The following TRPM2 variants were observed in gnomAD, a reference collection of about 807,000 sequenced individuals.
The protein encoded by TRPM2 is estrogen-responsive element-associated gene 1 protein.
In TRPM2, 161 loss-of-function variants were observed where a neutral mutation model predicts 174.0. The observed-to-expected ratio is 0.93, with a 90% CI of 0.81 to 1.05. TRPM2 has a LOEUF of 1.05. Ranked by LOEUF, TRPM2 falls within the 50% of genes least tolerant of loss-of-function variation. The pLI is 0.00. For missense variants in TRPM2, 2,057 were observed against 2,038.0 expected, an observed-to-expected ratio of 1.01 and a Z score of -0.18; for synonymous variants, 954 against 861.3, an observed-to-expected ratio of 1.11 and a Z score of -1.88.
intron 8 of TRPM2, among the ~76,000 whole-genome samples, chr21:44,381,777 G>A (rs2076297043): frequency 6.6e-6 from 1 of 151,994 alleles, no homozygotes; most frequent in Non-Finnish European, 1.5e-5. Context: ...CATGGTGGTG[G>A]GTGCCTGTAA....
At chr21:44,372,119 C>T (rs1439584260) in intron 5 of TRPM2, among the ~76,000 whole-genome samples, 4 of 151,842 alleles carry the variant, frequency 2.6e-5, no homozygotes, top group Non-Finnish European at 5.9e-5. Flanking sequence ...AAGACTCTGT[C>T]TAAACTAAAC....
At chr21:44,441,588 G>C (rs2051506276) in intron 31 of TRPM2, 104 bp from the exon 32 acceptor site, 2 of 1,399,214 alleles carry the variant, frequency 1.4e-6, no homozygotes, top group East Asian at 5.1e-5. Flanking sequence ...AGGAGTAAAG[G>C]GAGGGTGTGC....
chr21:44,397,857 G>A lies in TRPM2; in HGVS notation c.2043G>A (p.Glu681=), dbSNP rs752013307. ...AGGAGATGCTGGCGCTGGCGGAGGA[G>A]TATGAGCACAGAGCCATCGGTGAGC... ...SSEEMLALAE[E]YEHRAIGVFT... Residue 681 remains glutamate, a synonymous_variant, in exon 13 of 32, where the codon GAG becomes GAA. Coordinates refer to ENST00000397928, the MANE Select transcript of TRPM2 (RefSeq NM_003307.4). 1.9e-6 allele frequency: 3 copies of A among 1,607,204 alleles called. No individual in the cohort carries two copies. Among genetic ancestry groups the A allele is most frequent in the Admixed American group, 1.7e-5 (1 of 59,442 alleles).
rs1457187523 is a variant in TRPM2, at chr21:44,401,985, C to T, written c.2538+88C>T. The T allele has an allele frequency of 8.4e-6, 12 of 1,427,110 alleles. No homozygotes were observed. In the Admixed American group the frequency reaches 2.0e-4, roughly 24 times the overall value. The allele number at this position is 1,427,110 out of a possible 1,614,324, so 88.4% of individuals were successfully genotyped here. A position where few individuals can be genotyped will look rare whatever the true frequency, so the allele number is the denominator to read the frequency against. Reference sequence around the variant, plus strand: ...AGGGGACCCATGGCTTAGAGCCCACCCCATCTAGCCTGCCCAGCTCCCTGC... The same window carrying T: ...AGGGGACCCATGGCTTAGAGCCCACTCCATCTAGCCTGCCCAGCTCCCTGC... On this transcript the variant is annotated intron_variant, in intron 16 of 31. Transcript: ENST00000397928.
Position 44,417,996 on chromosome 21 carries a change from G to A in TRPM2, c.3216G>A (p.Glu1072=). The change falls in exon 21 of 32, where the codon GAG becomes GAA. Residue 1072 remains glutamate (E), a synonymous_variant. Coordinates refer to ENST00000397928, the MANE Select transcript of TRPM2 (RefSeq NM_003307.4). ...AGTTCCAGCGCCATGACCTGATCGA[G>A]GAGTACCACGGCCGCCCCGCCGCGC... is the stretch of plus-strand genomic sequence containing the variant. The part of the protein sequence containing the change: ...IWKFQRHDLI[E]EYHGRPAAPP... 6.2e-7 allele frequency: 1 copy of A among 1,612,986 alleles called. No individual in the cohort carries two copies. Among genetic ancestry groups the A allele is most frequent in the East Asian group, 2.2e-5 (1 of 44,876 alleles).
rs71197896 is a variant in TRPM2 at position 44,407,450 on chromosome 21, G to GTTT, written c.2962+709_2962+711dup. Among the ~76,000 whole-genome samples the GTTT allele has an allele frequency of 1.3e-3, 109 of 85,840 alleles. 2 individuals are homozygous for GTTT. Among genetic ancestry groups the GTTT allele is most frequent in the South Asian group, 3.3e-3 (6 of 1,796 alleles). The allele number at this position is 85,840 out of a possible 152,430, so 56.3% of individuals were successfully genotyped here. A position where few individuals can be genotyped will look rare whatever the true frequency, so the allele number is the denominator to read the frequency against. On this transcript the variant is annotated intron_variant, in intron 19 of 31. Transcript: ENST00000397928. The stretch of plus-strand genomic sequence containing the variant: ...AGAGAGAACACTTTTCATATAGAAG[G>GTTT]TTTTTTTTTTTTTTTTTTTTTTTTT...
At chr21:44,406,090 T>A (rs1278904910) in intron 18 of TRPM2, 53 bp downstream of exon 18, 17 of 1,592,686 alleles carry the variant, frequency 1.1e-5, no homozygotes, top group Non-Finnish European at 1.4e-5. Context: ...AGGGTGGGCC[T>A]CGGGGAGGGC....
In TRPM2 at chr21:44,391,046, C is replaced by T. The variant is rs376178019; in HGVS notation, c.1440+21C>T. Reference sequence around the variant, plus strand: ...GGAAGGTAAGTCTTCCAGAGCACCCCGTGGAGGGGCCTACTGGGCCCACAT... The same window carrying T: ...GGAAGGTAAGTCTTCCAGAGCACCCTGTGGAGGGGCCTACTGGGCCCACAT... On this transcript the variant is annotated intron_variant, in intron 10 of 31. Transcript: ENST00000397928. The surrounding 1 kb of genome is among the most constrained non-coding windows in gnomAD (Gnocchi z 5.0). The T allele has an allele frequency of 4.4e-5, 71 of 1,613,246 alleles. No homozygotes were observed. The highest frequency in any genetic ancestry group is 3.5e-4 in the Middle Eastern group (2 of 5,670).
intron 30 of TRPM2, among the ~76,000 whole-genome samples, chr21:44,440,284 CGAG>C: frequency 4.5e-5 from 1 of 22,232 alleles, no homozygotes; most frequent in Middle Eastern, 0.026. Flanking sequence ...TGCAGTGAGC[CGAG>C]GTTGCACCAC....
chr21:44,404,449 C>G (rs2049790356), intron 16 of TRPM2, among the ~76,000 whole-genome samples: 1 of 152,192 alleles, frequency 6.6e-6, no homozygotes, highest in Non-Finnish European at 1.5e-5. Flanking sequence ...TATGTACATA[C>G]ACATATATGC....
Position 44,379,136 on chromosome 21 carries a change from T to C in TRPM2, c.1154T>C (p.Val385Ala). Residue 385 changes from valine (V) to alanine (A), a missense_variant, in exon 8 of 32, where the codon GTG (valine) becomes GCG (alanine). Transcript: ENST00000397928. ...TCCCTGATCCAGCAGAAACTGAGCG[T>C]GTTCTTCCAGGAGATGTTTGAGACC... is the stretch of plus-strand genomic sequence containing the variant. ...TISLIQQKLS[V>A]FFQEMFETFT... The C allele has an allele frequency of 6.2e-7, 1 of 1,613,634 alleles. No homozygotes were observed. The highest frequency in any genetic ancestry group is 8.5e-7 in the Non-Finnish European group (1 of 1,180,034).
chr21:44,358,978 G>A (rs146674669), intron 2 of TRPM2, among the ~76,000 whole-genome samples: 20 of 152,262 alleles, frequency 1.3e-4, no homozygotes, highest in African/African-American at 4.8e-4. Flanking sequence ...TGCCGCTGCT[G>A]GCTGGAGGGG....
intron 27 of TRPM2, among the ~76,000 whole-genome samples, chr21:44,429,290 T>C (rs1009669394): frequency 1.1e-4 from 16 of 141,200 alleles, no homozygotes; most frequent in African/African-American, 3.1e-4. Flanking sequence ...TTTTTTTTTT[T>C]TTTTTTTTTT....
chr21:44,359,835 C>T (rs993843057), intron 2 of TRPM2, among the ~76,000 whole-genome samples: 1 of 151,910 alleles, frequency 6.6e-6, no homozygotes, highest in Non-Finnish European at 1.5e-5. Flanking sequence ...GCAACCTCCA[C>T]CTCCCGGGCT....
intron 2 of TRPM2, among the ~76,000 whole-genome samples, chr21:44,358,499 C>A (rs943962776): frequency 6.6e-6 from 1 of 152,166 alleles, no homozygotes; most frequent in Non-Finnish European, 1.5e-5. Context: ...GAGTTCCGAG[C>A]GAGCTCTCCG....
chr21:44,424,872 C>A lies in TRPM2; in HGVS notation c.3570C>A (p.Ala1190=), dbSNP rs1310715717. The A allele has an allele frequency of 1.6e-5, 25 of 1,606,758 alleles. No individual in the cohort carries two copies. The highest frequency in any genetic ancestry group is 2.1e-5 in the Non-Finnish European group (25 of 1,177,772). The change falls in exon 24 of 32, where the codon GCC becomes GCA. Residue 1190 remains alanine, a synonymous_variant. Transcript: ENST00000397928. The part of the protein sequence containing the change: ...LEEQVAQTAQ[A]LHWIVRTLRA... ...TCCAGGTGGCCCAGACAGCCCAAGC[C>A]CTGCACTGGATCGTGAGGACGCTGC...
rs1294621738 is a variant in TRPM2, at chr21:44,391,584, C to G, written c.1753C>G (p.Arg585Gly). ...PLYPRPRHNDRLRLLLPVPHV... is the reference protein window; with the variant it reads ...PLYPRPRHNDGLRLLLPVPHV... The stretch of plus-strand genomic sequence containing the variant: ...TTATCCCCGGCCCCGGCACAACGAC[C>G]GGCTGCGGCTCCTGCTGCCCGTTCC... The change falls in exon 11 of 32, where the codon CGG becomes GGG. Residue 585 changes from arginine (R) to glycine (G), a missense_variant. Arg to Gly is a moderately radical substitution (Grantham distance 125). Transcript: ENST00000397928. The surrounding 1 kb of genome is among the most constrained non-coding windows in gnomAD (Gnocchi z 5.0). 1 of 1,589,108 alleles carries G rather than the reference C, an allele frequency of 6.3e-7. No homozygotes were observed. Among genetic ancestry groups the G allele is most frequent in the Non-Finnish European group, 8.5e-7 (1 of 1,174,000 alleles).
chr21:44,390,977 C>T lies in TRPM2; in HGVS notation c.1392C>T (p.Arg464=), dbSNP rs1382918259. Residue 464 remains arginine (R), a synonymous_variant, in exon 10 of 32, where the codon CGC becomes CGT. Coordinates refer to ENST00000397928, the MANE Select transcript of TRPM2 (RefSeq NM_003307.4). ...HQLKLAVAWN[R]VDIARSEIFM... Reference sequence around the variant, plus strand: ...TGAAACTGGCAGTGGCATGGAATCGCGTGGACATTGCCCGCAGTGAGATCT... The same window carrying T: ...TGAAACTGGCAGTGGCATGGAATCGTGTGGACATTGCCCGCAGTGAGATCT... 5.0e-6 allele frequency: 8 copies of T among 1,614,082 alleles called. No individual in the cohort carries two copies. The highest frequency in any genetic ancestry group is 2.2e-5 in the South Asian group (2 of 91,078).
At chr21:44,410,905 T>C in intron 19 of TRPM2, among the ~76,000 whole-genome samples, 1 of 145,212 alleles carries the variant, frequency 6.9e-6, no homozygotes, top group African/African-American at 2.5e-5. Flanking sequence ...TGCACTGTCT[T>C]GGTTGGCGTA....
Sources: gnomAD v4.1 joint callset for allele counts (sites outside exome capture counted in the v4.1 genomes callset) on GRCh38, gnomAD v4.1.1 for gene constraint, Gnocchi (gnomAD v3.1) non-coding constraint, MANE v1.5 for transcripts, NCBI Gene and HGNC (gene_info 2026-07-23, HGNC 2026-07-21) for gene names.